EWSR1: variants seen among roughly 807,000 people sequenced by gnomAD.
EWSR1 encodes RNA-binding protein EWS.
In EWSR1, 14 loss-of-function variants were observed where a neutral mutation model predicts 92.1. The ratio of observed to expected loss-of-function variants is 0.15; its 90% CI spans 0.10 to 0.24. The LOEUF (loss-of-function observed/expected upper bound fraction) is 0.24. EWSR1 is among the 10% of genes least tolerant of loss of function. The probability of loss-of-function intolerance (pLI) is 1.00; values close to 1 mark genes in which losing one functional copy is unlikely to be tolerated. For missense variants in EWSR1, 637 were observed against 870.9 expected, an observed-to-expected ratio of 0.73 and a Z score of 3.38; for synonymous variants, 303 against 292.9, an observed-to-expected ratio of 1.03 and a Z score of -0.35.
chr22:29,269,871 A>T (rs1039486740), intron 1 of EWSR1, among the ~76,000 whole-genome samples: 1 of 152,248 alleles, frequency 6.6e-6, no homozygotes, highest in Non-Finnish European at 1.5e-5. Context: ...TTTTCAGTCA[A>T]CTTTGTTCAA....
intron 5 of EWSR1, among the ~76,000 whole-genome samples, chr22:29,280,849 G>A (rs2059514358): frequency 8.1e-6 from 1 of 122,784 alleles, no homozygotes; most frequent in Admixed American, 9.3e-5. Flanking sequence ...AATTTTGTGT[G>A]TGTGTGTGTG....
intron 8 of EWSR1, chr22:29,290,966 G>T (rs1039712724): frequency 9.7e-5 from 23 of 237,626 alleles, no homozygotes; most frequent in Admixed American, 1.7e-4. Context: ...TTGAGCCTTG[G>T]TATTTGTTGT....
At chr22:29,271,577 G>T (rs779228986) in intron 1 of EWSR1, among the ~76,000 whole-genome samples, 4 of 152,150 alleles carry the variant, frequency 2.6e-5, no homozygotes, top group Non-Finnish European at 5.9e-5. Context: ...TTCTGCCTTA[G>T]CTCTGCTTCA....
Position 29,287,116 on chromosome 22 carries a change from A to G in EWSR1, c.775A>G (p.Ser259Gly). ...TCCAAGTCAATATAGCCAACAGAGC[A>G]GCAGCTACGGGCAGCAGAGTGAGTT... ...QAPSQYSQQS[S>G]SYGQQSSFRQ... Residue 259 changes from serine to glycine, a missense_variant, in exon 7 of 17, where the codon AGC becomes GGC. By Grantham distance (56) the Ser-to-Gly change is moderately conservative. Transcript: ENST00000397938. The G allele has an allele frequency of 6.2e-7, 1 of 1,614,144 alleles. No individual in the cohort carries two copies. The highest frequency in any genetic ancestry group is 8.5e-7 in the Non-Finnish European group (1 of 1,179,974).
At chr22:29,300,098 C>T (rs376150806) in intron 16 of EWSR1, 24 bp from the exon 17 acceptor site, 6 of 1,598,472 alleles carry the variant, frequency 3.8e-6, no homozygotes, top group Non-Finnish European at 4.3e-6. Context: ...CCATTCTAAC[C>T]GAAGGGCCCT....
In EWSR1 at chr22:29,299,719, G is replaced by A. The variant is rs914521107; in HGVS notation, c.1799G>A (p.Arg600His). The A allele has an allele frequency of 1.7e-5, 28 of 1,612,474 alleles. No homozygotes were observed. Among genetic ancestry groups the A allele is most frequent in the Middle Eastern group, 1.7e-4 (1 of 5,962 alleles). Reference protein sequence around the residue: ...GGRGGDRGGFRGGRGMDRGGF... With the variant: ...GGRGGDRGGFHGGRGMDRGGF... ...CGTGGTGGAGACAGAGGTGGCTTCC[G>A]TGGTGGCCGGGGCATGGACCGAGGT... Residue 600 changes from arginine to histidine, a missense_variant, in exon 16 of 17, where the codon CGT (arginine) becomes CAT (histidine). Coordinates refer to ENST00000397938, the MANE Select transcript of EWSR1 (RefSeq NM_005243.4).
At chr22:29,293,994 G>A (rs981095528) in intron 11 of EWSR1, among the ~76,000 whole-genome samples, 1 of 151,832 alleles carries the variant, frequency 6.6e-6, no homozygotes, top group Non-Finnish European at 1.5e-5. Context: ...TCAGCCTCCC[G>A]AGTAGCTGGA....
intron 11 of EWSR1, among the ~76,000 whole-genome samples, chr22:29,295,357 A>G (rs762292666): frequency 6.6e-6 from 1 of 152,162 alleles, no homozygotes. Flanking sequence ...AGTGGCTCAC[A>G]TGTGTAATCC....
At chr22:29,293,220 C>T (rs1443876272) in intron 11 of EWSR1, among the ~76,000 whole-genome samples, 1 of 152,110 alleles carries the variant, frequency 6.6e-6, no homozygotes, top group Non-Finnish European at 1.5e-5. Flanking sequence ...GTTGGCCGGG[C>T]TGGTCTCTAA....
chr22:29,285,975 C>T (rs1041595854), intron 6 of EWSR1, among the ~76,000 whole-genome samples: 1 of 151,842 alleles, frequency 6.6e-6, no homozygotes, highest in East Asian at 1.9e-4. Context: ...GTAGCTGGGA[C>T]TACAGGCGCC....
intron 8 of EWSR1, chr22:29,289,223 A>G (rs1050020245): frequency 8.5e-6 from 2 of 234,756 alleles, no homozygotes; most frequent in East Asian, 6.0e-5. Context: ...TTTGTCCCCA[A>G]CTTCTGTTTG....
At position 29,298,866 on chromosome 22, in the gene EWSR1, C is replaced by T. The variant is rs1446418702; in HGVS notation, c.1551C>T (p.His517=). The T allele has an allele frequency of 6.4e-7, 1 of 1,567,742 alleles. No individual in the cohort carries two copies. The highest frequency in any genetic ancestry group is 8.6e-7 in the Non-Finnish European group (1 of 1,163,858). ...CCTCTGGAGGAGGAAACGTCCAGCA[C>T]CGAGCTGGAGACTGGCAGTGTCCCA... ...GNPSGGGNVQ[H]RAGDWQCPNP... is the part of the protein sequence containing the mutation. The change falls in exon 14 of 17, where the codon CAC becomes CAT. Residue 517 remains histidine, a synonymous_variant. Transcript: ENST00000397938.
At chr22:29,289,887 A>T (rs955637181) in intron 8 of EWSR1, 4 of 230,904 alleles carry the variant, frequency 1.7e-5, no homozygotes, top group Non-Finnish European at 3.4e-5. Context: ...AAATTTAATG[A>T]TTCGGTATGA....
chr22:29,294,498 C>T (rs540401035), intron 11 of EWSR1, among the ~76,000 whole-genome samples: 2 of 150,224 alleles, frequency 1.3e-5, no homozygotes, highest in South Asian at 2.1e-4. Context: ...CCCAGCTACT[C>T]GGAGGCTGAG....
At chr22:29,290,692 A>G (rs2060376804) in intron 8 of EWSR1, 1 of 1,352,734 alleles carries the variant, frequency 7.4e-7, no homozygotes, top group Non-Finnish European at 9.5e-7. Flanking sequence ...AAAGAGAGAG[A>G]ACATTTTATG....
intron 11 of EWSR1, among the ~76,000 whole-genome samples, chr22:29,293,005 G>A (rs189228201): frequency 1.7e-4 from 26 of 151,942 alleles, no homozygotes; most frequent in Non-Finnish European, 2.9e-4. Context: ...CCACCTTGGC[G>A]CCTCCCAAAG....
intron 7 of EWSR1, 72 bp downstream of exon 7, chr22:29,287,206 T>G (rs899709883): frequency 4.8e-6 from 7 of 1,454,132 alleles, no homozygotes; most frequent in African/African-American, 2.8e-5. Flanking sequence ...TGATTTTTTT[T>G]GTTGGTTTGT....
chr22:29,282,956 G>T (rs1254841403), intron 6 of EWSR1, among the ~76,000 whole-genome samples: 1 of 151,976 alleles, frequency 6.6e-6, no homozygotes, highest in East Asian at 1.9e-4. Context: ...TAGAGACAGG[G>T]TTTCACTGTG....
At chr22:29,282,785 C>T (rs1209138528) in intron 6 of EWSR1, among the ~76,000 whole-genome samples, 3 of 149,188 alleles carry the variant, frequency 2.0e-5, no homozygotes, top group East Asian at 2.0e-4. Flanking sequence ...TCCCCCGAGA[C>T]GGAGTCTCTC....
Sources: allele counts gnomAD v4.1 joint callset (sites outside exome capture counted in the v4.1 genomes callset), GRCh38; gene constraint gnomAD v4.1.1; transcripts MANE v1.5; gene names NCBI Gene and HGNC (gene_info 2026-07-23, HGNC 2026-07-21).